The following ARHGEF2 variants were observed in gnomAD, a reference collection of about 807,000 sequenced individuals.
ARHGEF2 encodes the protein rho guanine nucleotide exchange factor 2.
Under a neutral mutation model 121.0 loss-of-function variants are expected in ARHGEF2, and 22 were observed. The ratio of observed to expected loss-of-function variants is 0.18; its 90% CI spans 0.13 to 0.26. The LOEUF (loss-of-function observed/expected upper bound fraction) is 0.26, where lower values mean the gene tolerates loss of function less well. Ranked by LOEUF, ARHGEF2 falls within the 10% of genes least tolerant of loss-of-function variation. The probability of loss-of-function intolerance (pLI) is 1.00; values close to 1 mark genes in which losing one functional copy is unlikely to be tolerated. For synonymous variants in ARHGEF2, 487 were observed against 530.0 expected (o/e 0.92, Z 1.11); for missense variants, 907 against 1,336.0 (o/e 0.68, Z 5.01).
rs375719316 is a variant in ARHGEF2, at chr1:155,965,157, C to T, written c.581-26G>A. ...CTGGACATTAGCAGGGCAAGCAACTCAGAGGTCTTGAGTTCCCTTCCCTGG... is the reference window on the plus strand; with the variant it reads ...CTGGACATTAGCAGGGCAAGCAACTTAGAGGTCTTGAGTTCCCTTCCCTGG... On this transcript the variant is annotated intron_variant, in intron 6 of 21. Transcript: ENST00000361247. The surrounding 1 kb of genome is among the most constrained non-coding windows in gnomAD (Gnocchi z 6.0). 4.3e-6 allele frequency: 7 copies of T among 1,612,730 alleles called. No homozygotes were observed. The African/African-American group carries it at 9.3e-5, about 22-fold the overall frequency.
intron 1 of ARHGEF2, 161 bp from the exon 2 acceptor site, chr1:155,969,461 G>C (rs1409841877): frequency 6.2e-6 from 9 of 1,455,770 alleles, no homozygotes; most frequent in Non-Finnish European, 8.2e-6. Context: ...GGGTGTCAGA[G>C]GCAGCTGTCC....
chr1:155,963,627 A>G (rs1442611564), intron 7 of ARHGEF2, among the ~76,000 whole-genome samples: 1 of 149,964 alleles, frequency 6.7e-6, no homozygotes, highest in Non-Finnish European at 1.5e-5. Flanking sequence ...TACAGGCATG[A>G]GCCACCACAC....
intron 12 of ARHGEF2, 44 bp from the exon 13 acceptor site, chr1:155,957,926 C>G: frequency 6.3e-7 from 1 of 1,589,460 alleles, no homozygotes; most frequent in Non-Finnish European, 8.6e-7. Flanking sequence ...GGAATCCTGT[C>G]CCTTGGCATA....
At position 155,960,455 on chromosome 1, in the gene ARHGEF2, G is replaced by A. The variant is rs139848659; in HGVS notation, c.1468+1206C>T. ...TGCACCCCAGCCTGAGCAGCAAAGCGAGACCCTGTTTCTAAAAAAAAAAAA... is the reference window on the plus strand; with the variant it reads ...TGCACCCCAGCCTGAGCAGCAAAGCAAGACCCTGTTTCTAAAAAAAAAAAA... On this transcript the variant is annotated intron_variant, in intron 11 of 21. Transcript: ENST00000361247. 4.2e-3 allele frequency among the ~76,000 whole-genome samples: 569 copies of A among 136,160 alleles called. 7 individuals carry two copies. The highest frequency in any genetic ancestry group is 0.014 in the African/African-American group (544 of 39,530). 89.3% of individuals were successfully genotyped at this position (136,160 alleles called of 152,430 possible).
chr1:155,962,084 C>T lies in ARHGEF2; in HGVS notation c.1219+21G>A, dbSNP rs1324432629. On this transcript the variant is annotated intron_variant, in intron 10 of 21. Coordinates refer to ENST00000361247, the MANE Select transcript of ARHGEF2 (RefSeq NM_001162383.2). The surrounding 1 kb of genome is among the most constrained non-coding windows in gnomAD (Gnocchi z 5.8). ...CAGGTGGCCGTCTCCCAGTGGCCCT[C>T]TCCTGGGCCTGCCTACTCACCGTGG... 7.4e-6 allele frequency: 12 copies of T among 1,612,996 alleles called. No individual in the cohort carries two copies. The highest frequency in any genetic ancestry group is 8.5e-6 in the Non-Finnish European group (10 of 1,179,130).
upstream of ARHGEF2, chr1:155,978,629 G>T: frequency 8.1e-7 from 1 of 1,239,690 alleles, no homozygotes; most frequent in Non-Finnish European, 1.0e-6. The surrounding 1 kb of genome is among the most constrained non-coding windows in gnomAD (Gnocchi z 4.1). Flanking sequence ...AGGCGGAGCG[G>T]AGGGAGGGCG....
Position 155,950,581 on chromosome 1 carries a change from C to T in ARHGEF2, c.2704-99G>A. 7.6e-7 allele frequency: 1 copy of T among 1,307,606 alleles called. No individual in the cohort carries two copies. The highest frequency in any genetic ancestry group is 1.3e-5 in the South Asian group (1 of 77,588). 81.0% of individuals were successfully genotyped at this position (1,307,606 alleles called of 1,614,324 possible). A position where few individuals can be genotyped will look rare whatever the true frequency, so the allele number is the denominator to read the frequency against. On this transcript the variant is annotated intron_variant, in intron 20 of 21. Transcript: ENST00000361247. This position sits in a 1 kb window ranked among gnomAD's most constrained non-coding sequence, Gnocchi z 5.2. ...AAGGCAGCAGCTCTCCCCCCTGGGG[C>T]TCACCCATGAGTCCCCTTCAGGAGA...
rs1195117294 is a variant in ARHGEF2 at position 155,978,396 on chromosome 1, C to T, written c.32G>A (p.Arg11Gln). The change falls in exon 1 of 22, where the codon CGG (arginine) becomes CAG (glutamine). Residue 11 changes from arginine (R) to glutamine (Q), a missense_variant. This residue lies in a region of ARHGEF2 where 475 missense variants were observed against 776.5 expected (regional missense o/e 0.61). Transcript: ENST00000361247. The surrounding 1 kb of genome is among the most constrained non-coding windows in gnomAD (Gnocchi z 4.1). ...CGCCAGCTCTCTGCTCCGGTCGATC[C>T]GCGCCCGCGTGAGGGATTCGATCCG... Reference protein sequence around the residue: MSRIESLTRARIDRSRELASK... With the variant: MSRIESLTRAQIDRSRELASK... The T allele has an allele frequency of 9.9e-6, 15 of 1,517,762 alleles. No individual in the cohort carries two copies. The highest frequency in any genetic ancestry group is 1.3e-5 in the Non-Finnish European group (15 of 1,123,550). 94.0% of individuals were successfully genotyped at this position (1,517,762 alleles called of 1,614,324 possible).
rs975841569 is a variant in ARHGEF2 at position 155,978,220 on chromosome 1, C to T, written c.63+145G>A. ...CCCACTCGCTCGCAGTCCCCACCCACCCCGTCCCGCCGCTCGCCGATCCAC... is the reference window on the plus strand; with the variant it reads ...CCCACTCGCTCGCAGTCCCCACCCATCCCGTCCCGCCGCTCGCCGATCCAC... On this transcript the variant is annotated intron_variant, in intron 1 of 21. Coordinates refer to ENST00000361247, the MANE Select transcript of ARHGEF2 (RefSeq NM_001162383.2). This position sits in a 1 kb window ranked among gnomAD's most constrained non-coding sequence, Gnocchi z 4.1. 2.1e-4 allele frequency: 279 copies of T among 1,314,012 alleles called. No homozygotes were observed. The highest frequency in any genetic ancestry group is 2.7e-4 in the Non-Finnish European group (272 of 1,016,372). The allele number at this position is 1,314,012 out of a possible 1,614,324, so 81.4% of individuals were successfully genotyped here.
intron 1 of ARHGEF2, chr1:155,970,472 C>A (rs563935729): frequency 1.0e-6 from 1 of 985,462 alleles, no homozygotes; most frequent in African/African-American, 1.7e-5. Flanking sequence ...GCTCTTGGAG[C>A]AGGACTAGAA....
rs1417979494 is a variant in ARHGEF2, at chr1:155,950,510, A to T, written c.2704-28T>A. On this transcript the variant is annotated intron_variant, in intron 20 of 21. Coordinates refer to ENST00000361247, the MANE Select transcript of ARHGEF2 (RefSeq NM_001162383.2). The surrounding 1 kb of genome is among the most constrained non-coding windows in gnomAD (Gnocchi z 5.2). ...GTGGACAGTGGGCAGGAAGAACAGCAGGTCAGGGACTGAGTAGTGTGAAGA... is the reference window on the plus strand; with the variant it reads ...GTGGACAGTGGGCAGGAAGAACAGCTGGTCAGGGACTGAGTAGTGTGAAGA... The T allele has an allele frequency of 1.2e-6, 2 of 1,607,378 alleles. No homozygotes were observed. Among genetic ancestry groups the T allele is most frequent in the South Asian group, 2.2e-5 (2 of 90,974 alleles).
chr1:155,956,409 T>C (rs1676683217), intron 13 of ARHGEF2, among the ~76,000 whole-genome samples: 1 of 151,760 alleles, frequency 6.6e-6, no homozygotes, highest in Non-Finnish European at 1.5e-5. Flanking sequence ...TGCAATTTCA[T>C]ACTTTTATAT....
rs536628729 is a variant in ARHGEF2, at chr1:155,964,421, C to T, written c.724+567G>A. Among the ~76,000 whole-genome samples, 206 of 151,508 alleles carry T rather than the reference C, an allele frequency of 1.4e-3. 1 individual carries two copies. Among genetic ancestry groups the T allele is most frequent in the Non-Finnish European group, 2.2e-3 (148 of 67,922 alleles). The stretch of plus-strand genomic sequence containing the variant: ...TAAGAACCATATGTCTTCTACATGT[C>T]GAGGCTTCCCACAGTCTCCAGCACG... On this transcript the variant is annotated intron_variant, in intron 7 of 21. Transcript: ENST00000361247.
chr1:155,964,166 AAATATATATATATATATATAT>A (rs1678715997), intron 7 of ARHGEF2, among the ~76,000 whole-genome samples: 2 of 85,610 alleles, frequency 2.3e-5, no homozygotes, highest in African/African-American at 1.5e-4. Context: ...AAAAAAAAAA[AAATATATATATATATATATAT>A]ATATATATAT....
upstream of ARHGEF2, chr1:155,979,239 T>C (rs1415473015): frequency 2.0e-6 from 2 of 985,428 alleles, no homozygotes; most frequent in African/African-American, 1.7e-5. Flanking sequence ...CCAGCTACTT[T>C]GGGGGACTAG....
Position 155,978,282 on chromosome 1 carries a change from G to GGA in ARHGEF2, c.63+81_63+82dup. ...ATTTTGGCGCCCAGAAAGCAGGCGGGGAGACAGGAGATGCACCGCGGGTGC... is the reference window on the plus strand; with the variant it reads ...ATTTTGGCGCCCAGAAAGCAGGCGGGGAGAGACAGGAGATGCACCGCGGGTGC... On this transcript the variant is annotated intron_variant, in intron 1 of 21. Coordinates refer to ENST00000361247, the MANE Select transcript of ARHGEF2 (RefSeq NM_001162383.2). The surrounding 1 kb of genome is among the most constrained non-coding windows in gnomAD (Gnocchi z 4.1). 7.3e-7 allele frequency: 1 copy of GGA among 1,374,352 alleles called. No individual in the cohort carries two copies. Among genetic ancestry groups the GGA allele is most frequent in the Non-Finnish European group, 9.6e-7 (1 of 1,040,534 alleles). 85.1% of individuals were successfully genotyped at this position (1,374,352 alleles called of 1,614,324 possible). A position where few individuals can be genotyped will look rare whatever the true frequency, so the allele number is the denominator to read the frequency against.
rs1219655386 is a variant in ARHGEF2, at chr1:155,962,662, G to A, written c.1032C>T (p.Arg344=). The change falls in exon 9 of 22, where the codon CGC becomes CGT. Residue 344 remains arginine, a synonymous_variant. Coordinates refer to ENST00000361247, the MANE Select transcript of ARHGEF2 (RefSeq NM_001162383.2). The surrounding 1 kb of genome is among the most constrained non-coding windows in gnomAD (Gnocchi z 5.8). ...MCKTYSEFCS[R]HSKALKLYKE... ...TATAGAGCTTTAAGGCCTTGCTGTG[G>A]CGGCTGCAGAACTCCGAGTAGGTCT... 2 of 1,614,160 alleles carry A rather than the reference G, an allele frequency of 1.2e-6. No individual in the cohort carries two copies. The highest frequency in any genetic ancestry group is 1.7e-6 in the Non-Finnish European group (2 of 1,180,028).
At chr1:155,977,988 G>T in intron 1 of ARHGEF2, 1 of 739,306 alleles carries the variant, frequency 1.4e-6, no homozygotes, top group Non-Finnish European at 1.7e-6. Context: ...GGTGGGGCCC[G>T]GGGTGAGAGG....
chr1:155,962,525 C>A lies in ARHGEF2; in HGVS notation c.1101+68G>T, dbSNP rs1179928943. On this transcript the variant is annotated intron_variant, in intron 9 of 21. Coordinates refer to ENST00000361247, the MANE Select transcript of ARHGEF2 (RefSeq NM_001162383.2). This position sits in a 1 kb window ranked among gnomAD's most constrained non-coding sequence, Gnocchi z 5.8. ...CCTCCATGTGGGTGCAGCTCACAGG[C>A]ACTACCCCCATGAGTTGGGGAGGGT... 2 of 1,591,890 alleles carry A rather than the reference C, an allele frequency of 1.3e-6. No individual in the cohort carries two copies. Among genetic ancestry groups the A allele is most frequent in the Admixed American group, 3.4e-5 (2 of 58,632 alleles).
Sources: allele counts gnomAD v4.1 joint callset (sites outside exome capture counted in the v4.1 genomes callset), GRCh38; gene constraint gnomAD v4.1.1; regional missense constraint gnomAD v4.1.1; non-coding constraint Gnocchi (gnomAD v3.1); transcripts MANE v1.5; gene names NCBI Gene and HGNC (gene_info 2026-07-23, HGNC 2026-07-21).